Variants in LPCAT1 observed in about 807,000 individuals in gnomAD.
The protein encoded by LPCAT1 is 1-acylglycerol-3-phosphate O-acyltransferase.
Under a neutral mutation model 60.9 loss-of-function variants are expected in LPCAT1, and 23 were observed. The observed-to-expected ratio is 0.38, with a 90% CI of 0.27 to 0.53. The LOEUF (loss-of-function observed/expected upper bound fraction) is 0.53. LPCAT1 is among the 20% of genes least tolerant of loss of function. The probability of loss-of-function intolerance (pLI) is 0.82; values close to 1 mark genes in which losing one functional copy is unlikely to be tolerated. For synonymous variants in LPCAT1, 340 were observed against 301.1 expected (o/e 1.13, Z -1.34); for missense variants, 622 against 723.6 (o/e 0.86, Z 1.61).
chr5:1,516,261 C>G (rs1736503496), intron 1 of LPCAT1, among the ~76,000 whole-genome samples: 1 of 152,248 alleles, frequency 6.6e-6, no homozygotes, highest in Non-Finnish European at 1.5e-5. Flanking sequence ...AGGGACAGGA[C>G]AGGTCTAGCC....
intron 1 of LPCAT1, among the ~76,000 whole-genome samples, chr5:1,513,670 C>G (rs1260303666): frequency 1.3e-5 from 2 of 150,546 alleles, no homozygotes; most frequent in Admixed American, 1.3e-4. Flanking sequence ...TCCACAGGCT[C>G]TCACCCGTGG....
In LPCAT1 at chr5:1,523,953, G is replaced by A; in HGVS notation, c.-109C>T. Reference sequence around the variant, plus strand: ...CGCGGGCCGAGGATGCGCGGCGGCTGGAGCGGGCCGGGCGCGCAGGCGCGG... The same window carrying A: ...CGCGGGCCGAGGATGCGCGGCGGCTAGAGCGGGCCGGGCGCGCAGGCGCGG... On this transcript the variant is annotated 5_prime_UTR_variant, in exon 1 of 14. Coordinates refer to ENST00000283415, the MANE Select transcript of LPCAT1 (RefSeq NM_024830.5). This position sits in a 1 kb window ranked among gnomAD's most constrained non-coding sequence, Gnocchi z 7.1. 2.5e-6 allele frequency: 2 copies of A among 794,920 alleles called. No individual in the cohort carries two copies. Among genetic ancestry groups the A allele is most frequent in the South Asian group, 5.5e-5 (1 of 18,256 alleles). 49.2% of individuals were successfully genotyped at this position (794,920 alleles called of 1,614,324 possible).
chr5:1,488,720 C>T (rs1327983813), intron 4 of LPCAT1, among the ~76,000 whole-genome samples: 1 of 152,212 alleles, frequency 6.6e-6, no homozygotes, highest in Non-Finnish European at 1.5e-5. Context: ...AGGGTAGTCG[C>T]GGTGCCCACC....
At chr5:1,491,244 C>A (rs1385266753) in intron 3 of LPCAT1, among the ~76,000 whole-genome samples, 1 of 152,164 alleles carries the variant, frequency 6.6e-6, no homozygotes, top group Non-Finnish European at 1.5e-5. Context: ...GCGGAGTCGT[C>A]TCGCAGGATG....
rs1225416654 is a variant in LPCAT1, at chr5:1,480,546, T to C, written c.761+396A>G. 5.3e-6 allele frequency: 1 copy of C among 189,690 alleles called. No homozygotes were observed. The highest frequency in any genetic ancestry group is 1.9e-4 in the East Asian group (1 of 5,340). The allele number at this position is 189,690 out of a possible 1,614,324, so 11.8% of individuals were successfully genotyped here. On this transcript the variant is annotated intron_variant, in intron 7 of 13. Transcript: ENST00000283415. The surrounding 1 kb of genome is among the most constrained non-coding windows in gnomAD (Gnocchi z 6.4). ...CTGCTGGGGGGACAGGGACACTGAC[T>C]CACAGCAGGGGCTGGCCTCCCACCC...
chr5:1,466,630 G>T, intron 13 of LPCAT1, 119 bp downstream of exon 13: 1 of 1,139,328 alleles, frequency 8.8e-7, no homozygotes, highest in Non-Finnish European at 1.2e-6. Context: ...GGGCAGCCTG[G>T]TGAATGGAGG....
intron 13 of LPCAT1, 135 bp downstream of exon 13, chr5:1,466,614 T>C (rs1734416207): frequency 5.2e-6 from 5 of 962,754 alleles, no homozygotes; most frequent in Non-Finnish European, 7.2e-6. Flanking sequence ...GTTTCTTTGT[T>C]ACACAGGGCA....
In LPCAT1 at chr5:1,483,144, A is replaced by C. The variant is rs113958434; in HGVS notation, c.726+284T>G. Among the ~76,000 whole-genome samples, 487 of 152,234 alleles carry C rather than the reference A, an allele frequency of 3.2e-3. 4 individuals carry two copies. Among genetic ancestry groups the C allele is most frequent in the African/African-American group, 0.011 (465 of 41,536 alleles). On this transcript the variant is annotated intron_variant, in intron 6 of 13. Coordinates refer to ENST00000283415, the MANE Select transcript of LPCAT1 (RefSeq NM_024830.5). The surrounding 1 kb of genome is among the most constrained non-coding windows in gnomAD (Gnocchi z 9.2). The stretch of plus-strand genomic sequence containing the variant: ...GGAAAGGGCAGCTTTGTCAGGAGCT[A>C]TGGAAGCAGGGCTCTGGAACACTGG...
rs115230272 is a variant in LPCAT1, at chr5:1,480,737, C to G, written c.761+205G>C. Among the ~76,000 whole-genome samples, 1 of 152,204 alleles carries G rather than the reference C, an allele frequency of 6.6e-6. No homozygotes were observed. Among genetic ancestry groups the G allele is most frequent in the Non-Finnish European group, 1.5e-5 (1 of 68,040 alleles). ...GTTCCCTTCCTGCTGGTACTGAAGA[C>G]GTGCAACTTAAGACCCCAGAATCCA... On this transcript the variant is annotated intron_variant, in intron 7 of 13. Coordinates refer to ENST00000283415, the MANE Select transcript of LPCAT1 (RefSeq NM_024830.5). This position sits in a 1 kb window ranked among gnomAD's most constrained non-coding sequence, Gnocchi z 6.4.
chr5:1,468,035 A>G (rs1734505524), intron 12 of LPCAT1, among the ~76,000 whole-genome samples: 1 of 151,580 alleles, frequency 6.6e-6, no homozygotes. Context: ...CTCTTCAGGG[A>G]GGGGCTGCGC....
chr5:1,473,862 A>G (rs27056), intron 11 of LPCAT1, 95 bp downstream of exon 11: 1,079,551 of 1,445,548 alleles, frequency 0.75, 405,626 homozygotes, highest in African/African-American at 0.92. Flanking sequence ...TTTCAAATTC[A>G]TGTGAAAATA....
Position 1,480,701 on chromosome 5 carries a change from C to T in LPCAT1, c.761+241G>A, listed in dbSNP as rs925975399. ...AGCTGGCAAACTCGAGAGCCGAATG[C>T]AAGACTCACAGTTCCCTTCCTGCTG... On this transcript the variant is annotated intron_variant, in intron 7 of 13. Coordinates refer to ENST00000283415, the MANE Select transcript of LPCAT1 (RefSeq NM_024830.5). This position sits in a 1 kb window ranked among gnomAD's most constrained non-coding sequence, Gnocchi z 6.4. Among the ~76,000 whole-genome samples the T allele has an allele frequency of 6.6e-6, 1 of 152,176 alleles. No homozygotes were observed. Among genetic ancestry groups the T allele is most frequent in the African/African-American group, 2.4e-5 (1 of 41,430 alleles).
intron 2 of LPCAT1, 96 bp downstream of exon 2, chr5:1,501,365 G>A (rs1028408041): frequency 1.9e-5 from 28 of 1,460,354 alleles, no homozygotes; most frequent in South Asian, 1.2e-4. Context: ...AGATGGGCTA[G>A]GGTGGAGACA....
At chr5:1,472,073 G>A (rs1206107100) in intron 11 of LPCAT1, among the ~76,000 whole-genome samples, 1 of 50,094 alleles carries the variant, frequency 2.0e-5, no homozygotes, top group African/African-American at 1.0e-4. Flanking sequence ...ACCCGGGGCA[G>A]AAGGACTCCC....
intron 12 of LPCAT1, among the ~76,000 whole-genome samples, chr5:1,470,467 T>C (rs953142707): frequency 6.6e-6 from 1 of 152,178 alleles, no homozygotes; most frequent in Admixed American, 6.5e-5. Context: ...TAAGCCGTGC[T>C]TTCTTCACCA....
At position 1,523,709 on chromosome 5, in the gene LPCAT1, C is replaced by A. The variant is rs1283398886; in HGVS notation, c.135+1G>T. The A allele has an allele frequency of 8.7e-7, 1 of 1,143,770 alleles. No homozygotes were observed. The highest frequency in any genetic ancestry group is 2.6e-5 in the South Asian group (1 of 38,090). 70.9% of individuals were successfully genotyped at this position (1,143,770 alleles called of 1,614,324 possible). On this transcript the variant is annotated splice_donor_variant, in intron 1 of 13. Transcript: ENST00000283415. LOFTEE classifies it high-confidence loss of function. This position sits in a 1 kb window ranked among gnomAD's most constrained non-coding sequence, Gnocchi z 7.1. ...CGGGGCCGCGCGCCCTGGGCACCCACCTGGGCCTTCTGCAGGGCGCTGAGG... is the reference window on the plus strand; with the variant it reads ...CGGGGCCGCGCGCCCTGGGCACCCAACTGGGCCTTCTGCAGGGCGCTGAGG...
chr5:1,478,856 T>C (rs896884236), intron 8 of LPCAT1, among the ~76,000 whole-genome samples: 1 of 152,250 alleles, frequency 6.6e-6, no homozygotes, highest in Non-Finnish European at 1.5e-5. Flanking sequence ...CCTCATCGAC[T>C]TAGAAAAAAT....
In LPCAT1 at chr5:1,523,435, C is replaced by T. The variant is rs1163608627; in HGVS notation, c.135+275G>A. 3.3e-5 allele frequency among the ~76,000 whole-genome samples: 5 copies of T among 149,908 alleles called. No homozygotes were observed. In the East Asian group the frequency reaches 9.7e-4, roughly 29 times the overall value. On this transcript the variant is annotated intron_variant, in intron 1 of 13. Coordinates refer to ENST00000283415, the MANE Select transcript of LPCAT1 (RefSeq NM_024830.5). This position sits in a 1 kb window ranked among gnomAD's most constrained non-coding sequence, Gnocchi z 7.1. ...GGGGTCTGGGGGGAGGAGCAGAACGCGGGGCGGGGATGGGAAGCGGGGACC... is the reference window on the plus strand; with the variant it reads ...GGGGTCTGGGGGGAGGAGCAGAACGTGGGGCGGGGATGGGAAGCGGGGACC...
chr5:1,497,613 G>A (rs904242636), intron 2 of LPCAT1, among the ~76,000 whole-genome samples: 1 of 152,236 alleles, frequency 6.6e-6, no homozygotes, highest in Non-Finnish European at 1.5e-5. Flanking sequence ...GACGGCCCCT[G>A]GGTGGCTGGT....
Sources: gnomAD v4.1 joint callset for allele counts (sites outside exome capture counted in the v4.1 genomes callset) on GRCh38, gnomAD v4.1.1 for gene constraint, Gnocchi (gnomAD v3.1) non-coding constraint, MANE v1.5 for transcripts, NCBI Gene and HGNC (gene_info 2026-07-23, HGNC 2026-07-21) for gene names.